Variants in MBD5 observed in about 807,000 individuals in gnomAD.
MBD5 encodes the protein methyl-CpG binding domain protein 5.
A neutral mutation model predicts 117.3 loss-of-function variants in MBD5; 13 were observed. The ratio of observed to expected loss-of-function variants is 0.11; its 90% CI spans 0.07 to 0.18. The LOEUF (loss-of-function observed/expected upper bound fraction) is 0.18. Among genes scored for constraint, MBD5 ranks in the 10% least tolerant of loss-of-function variants. MBD5 has a pLI of 1.00. For missense variants in MBD5, 1,879 were observed against 2,093.8 expected (o/e 0.90, Z 2.00); for synonymous variants, 727 against 766.4 (o/e 0.95, Z 0.85).
intron 3 of MBD5, among the ~76,000 whole-genome samples, chr2:148,305,643 CA>C (rs1701874280): frequency 1.3e-5 from 2 of 152,186 alleles, no homozygotes; most frequent in Non-Finnish European, 2.9e-5. Flanking sequence ...ATGTCGCCTG[CA>C]CACAATCTGT....
intron 1 of MBD5, among the ~76,000 whole-genome samples, chr2:148,064,586 C>T (rs1183803936): frequency 6.6e-6 from 1 of 152,128 alleles, no homozygotes; most frequent in Non-Finnish European, 1.5e-5. Context: ...TTGAGGCAAA[C>T]CGATTCTCCC....
intron 4 of MBD5, among the ~76,000 whole-genome samples, chr2:148,348,991 G>A (rs1703187204): frequency 6.6e-6 from 1 of 151,894 alleles, no homozygotes; most frequent in Admixed American, 6.6e-5. Flanking sequence ...ACAGGAGGAA[G>A]GAAGGGTAGC....
intron 1 of MBD5, among the ~76,000 whole-genome samples, chr2:148,164,603 T>C (rs1698084236): frequency 6.6e-6 from 1 of 152,180 alleles, no homozygotes; most frequent in South Asian, 2.1e-4. Flanking sequence ...AATTTTTGTT[T>C]TCATGTTTTT....
intron 1 of MBD5, among the ~76,000 whole-genome samples, chr2:148,076,150 A>C (rs556110689): frequency 6.6e-6 from 1 of 150,974 alleles, no homozygotes; most frequent in African/African-American, 2.4e-5. Flanking sequence ...TACCAATAGG[A>C]ACTAATTTGA....
chr2:148,334,220 C>CA (rs1319457017), intron 3 of MBD5, among the ~76,000 whole-genome samples: 3 of 152,164 alleles, frequency 2.0e-5, no homozygotes, highest in African/African-American at 7.2e-5. Flanking sequence ...TTACCAACTG[C>CA]TGGTTTAGAA....
chr2:148,337,461 G>A (rs2105106236), intron 3 of MBD5, among the ~76,000 whole-genome samples: 1 of 152,258 alleles, frequency 6.6e-6, no homozygotes, highest in Middle Eastern at 3.4e-3. Context: ...CTTACACGAA[G>A]AAAGCAAGGT....
chr2:148,472,761 T>C (rs1459459296), intron 8 of MBD5, among the ~76,000 whole-genome samples: 1 of 152,166 alleles, frequency 6.6e-6, no homozygotes, highest in Non-Finnish European at 1.5e-5. Context: ...AGAAAGACAT[T>C]AGAAGAAAAC....
At chr2:148,264,554 T>C (rs1700811159) in intron 3 of MBD5, 3 of 152,202 alleles carry the variant, frequency 2.0e-5, no homozygotes, top group Admixed American at 6.6e-5. Flanking sequence ...CTAGGCATTG[T>C]ACCAATCAGA....
At chr2:148,439,561 A>T (rs920208805) in intron 4 of MBD5, among the ~76,000 whole-genome samples, 1 of 152,118 alleles carries the variant, frequency 6.6e-6, no homozygotes, top group Non-Finnish European at 1.5e-5. Flanking sequence ...GGACCATTTT[A>T]ATTGCAGAAA....
chr2:148,369,139 A>T (rs1703784355), intron 4 of MBD5, among the ~76,000 whole-genome samples: 1 of 152,174 alleles, frequency 6.6e-6, no homozygotes, highest in Admixed American at 6.5e-5. Flanking sequence ...AATTTTTAAC[A>T]AAATGACCGG....
intron 4 of MBD5, among the ~76,000 whole-genome samples, chr2:148,343,184 G>A (rs953366616): frequency 6.6e-6 from 1 of 152,150 alleles, no homozygotes; most frequent in South Asian, 2.1e-4. Flanking sequence ...CCACTGATGG[G>A]CACCTACGTA....
chr2:148,067,665 T>A (rs1695240702), intron 1 of MBD5, among the ~76,000 whole-genome samples: 1 of 152,208 alleles, frequency 6.6e-6, no homozygotes, highest in Non-Finnish European at 1.5e-5. Flanking sequence ...TTTTCTTCGA[T>A]TCATTTCCCT....
chr2:148,444,167 T>A (rs369471039), intron 4 of MBD5, among the ~76,000 whole-genome samples: 1 of 151,508 alleles, frequency 6.6e-6, no homozygotes, highest in South Asian at 2.1e-4. Context: ...AACTTTAGCA[T>A]CATAGCCATC....
chr2:148,336,245 TCA>T (rs1157126063), intron 3 of MBD5, among the ~76,000 whole-genome samples: 2 of 152,220 alleles, frequency 1.3e-5, no homozygotes, highest in African/African-American at 4.8e-5. Flanking sequence ...TTGATTGATC[TCA>T]GTGTCTTTTC....
chr2:148,180,298 T>C lies in MBD5; in HGVS notation c.-831+1505T>C, dbSNP rs192188282. Among the ~76,000 whole-genome samples the C allele has an allele frequency of 3.4e-5, 5 of 145,378 alleles. 1 individual carries two copies. In the East Asian group the frequency reaches 8.0e-4, roughly 23 times the overall value. The stretch of plus-strand genomic sequence containing the variant: ...AGATAACTATTTTTATGGTTCCTTC[T>C]TCTCCACAGTCTAAATCAGATCCTT... On this transcript the variant is annotated intron_variant, in intron 2 of 13. Coordinates refer to ENST00000642680, the MANE Select transcript of MBD5 (RefSeq NM_001378120.1).
chr2:148,315,000 C>G (rs1702127090), intron 3 of MBD5, among the ~76,000 whole-genome samples: 1 of 152,014 alleles, frequency 6.6e-6, no homozygotes, highest in Admixed American at 6.6e-5. Flanking sequence ...ACAAAGCTAC[C>G]CATTATCTTT....
intron 1 of MBD5, among the ~76,000 whole-genome samples, chr2:148,130,530 C>T (rs758942008): frequency 6.8e-6 from 1 of 148,020 alleles, no homozygotes. Flanking sequence ...ATTGGATGGT[C>T]TAACAAAATA....
At chr2:148,465,470 T>G (rs797002510) in intron 7 of MBD5, among the ~76,000 whole-genome samples, 5 of 152,262 alleles carry the variant, frequency 3.3e-5, no homozygotes, top group African/African-American at 1.2e-4. Flanking sequence ...CCAAAGCATT[T>G]GTTTATGAGG....
rs1275390318 is a variant in MBD5 at position 148,446,045 on chromosome 2, T to C, written c.-556-12158T>C. Among the ~76,000 whole-genome samples the C allele has an allele frequency of 4.0e-5, 6 of 151,066 alleles. 1 individual carries two copies. The highest frequency in any genetic ancestry group is 2.0e-4 in the Admixed American group (3 of 15,234). The stretch of plus-strand genomic sequence containing the variant: ...TTCTGGATATTAGCCCTTTGTCAGA[T>C]GAGTAGGTTGCAAAAATTTTCTCCC... On this transcript the variant is annotated intron_variant, in intron 4 of 13. Coordinates refer to ENST00000642680, the MANE Select transcript of MBD5 (RefSeq NM_001378120.1).
Sources: gnomAD v4.1 joint callset for allele counts (sites outside exome capture counted in the v4.1 genomes callset) on GRCh38, gnomAD v4.1.1 for gene constraint, MANE v1.5 for transcripts, NCBI Gene and HGNC (gene_info 2026-07-23, HGNC 2026-07-21) for gene names.